The following GPC5 variants were observed in gnomAD, a reference collection of about 807,000 sequenced individuals.
GPC5 encodes the protein glypican-5.
Under a neutral mutation model 53.9 loss-of-function variants are expected in GPC5, and 47 were observed. The ratio of observed to expected loss-of-function variants is 0.87; its 90% CI spans 0.69 to 1.11. GPC5 has a LOEUF of 1.11. Ranked by LOEUF, GPC5 falls within the 50% of genes most tolerant of loss-of-function variation. GPC5 has a pLI of 0.00. For missense variants in GPC5, 748 were observed against 713.1 expected, an observed-to-expected ratio of 1.05 and a Z score of -0.56; for synonymous variants, 286 against 263.3, an observed-to-expected ratio of 1.09 and a Z score of -0.84.
At chr13:91,682,701 C>A (rs1034651930) in intron 2 of GPC5, among the ~76,000 whole-genome samples, 2 of 152,146 alleles carry the variant, frequency 1.3e-5, no homozygotes, top group African/African-American at 4.8e-5. Flanking sequence ...TTGTTCTGAG[C>A]AGTCTGTGAA....
intron 1 of GPC5, among the ~76,000 whole-genome samples, chr13:91,445,551 AG>A (rs1319419118): frequency 6.6e-6 from 1 of 152,162 alleles, no homozygotes; most frequent in Non-Finnish European, 1.5e-5. Context: ...CTCGGCTCAC[AG>A]CAACCTTCAT....
chr13:92,607,973 A>G (rs1884309945), intron 7 of GPC5, among the ~76,000 whole-genome samples: 1 of 152,228 alleles, frequency 6.6e-6, no homozygotes, highest in Admixed American at 6.5e-5. Context: ...CTTTATAACT[A>G]TCTACTTCCA....
chr13:92,423,774 T>C (rs2139365548), intron 7 of GPC5, among the ~76,000 whole-genome samples: 1 of 152,292 alleles, frequency 6.6e-6, no homozygotes, highest in Non-Finnish European at 1.5e-5. Flanking sequence ...ATTACATGTT[T>C]GATTGCATAG....
chr13:91,965,183 G>C (rs557099681), intron 6 of GPC5, among the ~76,000 whole-genome samples: 49 of 152,138 alleles, frequency 3.2e-4, no homozygotes, highest in African/African-American at 1.2e-3. Context: ...GTATACATGT[G>C]TAAAAAACGT....
chr13:92,548,590 T>C (rs1050034923), intron 7 of GPC5, among the ~76,000 whole-genome samples: 2 of 152,082 alleles, frequency 1.3e-5, no homozygotes, highest in Admixed American at 1.3e-4. Flanking sequence ...AGAAATAGTA[T>C]GAGTAAAATG....
At chr13:91,599,099 T>A (rs568564285) in intron 2 of GPC5, among the ~76,000 whole-genome samples, 5 of 152,238 alleles carry the variant, frequency 3.3e-5, no homozygotes, top group African/African-American at 9.6e-5. Context: ...GGATGAATTG[T>A]AGAGTGGCCT....
At chr13:92,208,838 G>A (rs538723278) in intron 7 of GPC5, among the ~76,000 whole-genome samples, 122 of 152,266 alleles carry the variant, frequency 8.0e-4, no homozygotes, top group Non-Finnish European at 1.4e-3. Flanking sequence ...TTATAGATCT[G>A]TTCTAATTGA....
chr13:92,628,227 G>A lies in GPC5; in HGVS notation c.1562-238055G>A, dbSNP rs577658060. 2.9e-5 allele frequency among the ~76,000 whole-genome samples: 4 copies of A among 137,866 alleles called. 1 individual carries two copies. Among genetic ancestry groups the A allele is most frequent in the East Asian group, 4.5e-4 (2 of 4,476 alleles). The allele number at this position is 137,866 out of a possible 152,430, so 90.4% of individuals were successfully genotyped here. ...CAGGTCTTTTTAAATCTATTCTTGA[G>A]AATCAATCCTATTTTCTTTTCTTTT... On this transcript the variant is annotated intron_variant, in intron 7 of 7. Coordinates refer to ENST00000377067, the MANE Select transcript of GPC5 (RefSeq NM_004466.6).
intron 7 of GPC5, among the ~76,000 whole-genome samples, chr13:92,715,192 T>G (rs1594447949): frequency 6.6e-6 from 1 of 152,208 alleles, no homozygotes; most frequent in African/African-American, 2.4e-5. Context: ...AACAGTTGAA[T>G]AGAGTGATCA....
chr13:92,430,193 C>T (rs1448288704), intron 7 of GPC5, among the ~76,000 whole-genome samples: 1 of 151,884 alleles, frequency 6.6e-6, no homozygotes, highest in African/African-American at 2.4e-5. Context: ...TGCTCATTTA[C>T]CTATCCTGTT....
At chr13:91,963,351 AT>A (rs2040144532) in intron 6 of GPC5, among the ~76,000 whole-genome samples, 1 of 152,098 alleles carries the variant, frequency 6.6e-6, no homozygotes, top group Non-Finnish European at 1.5e-5. Context: ...GTGTATACGT[AT>A]TTCCCCCAAA....
chr13:92,097,381 T>C (rs2041430335), intron 6 of GPC5, among the ~76,000 whole-genome samples: 1 of 152,210 alleles, frequency 6.6e-6, no homozygotes, highest in Non-Finnish European at 1.5e-5. Flanking sequence ...TTCTCATCTA[T>C]ATTGCAAAAG....
chr13:91,399,227 G>C lies in GPC5; in HGVS notation c.163+18G>C, dbSNP rs759326199. 1.2e-6 allele frequency: 2 copies of C among 1,608,758 alleles called. No individual in the cohort carries two copies. Among genetic ancestry groups the C allele is most frequent in the East Asian group, 2.2e-5 (1 of 44,724 alleles). ...GCGGGCAGGTAAGGGGCAATGAGGG[G>C]GTCTCTGGACTGGCGGCGTCCGAGC... On this transcript the variant is annotated intron_variant, in intron 1 of 7. Coordinates refer to ENST00000377067, the MANE Select transcript of GPC5 (RefSeq NM_004466.6).
intron 3 of GPC5, among the ~76,000 whole-genome samples, chr13:91,713,576 T>C (rs2036273905): frequency 6.6e-6 from 1 of 152,176 alleles, no homozygotes; most frequent in East Asian, 1.9e-4. Context: ...CTGGTAGAAA[T>C]TGATTTCTCA....
chr13:91,680,078 T>C (rs2139725243), intron 2 of GPC5, among the ~76,000 whole-genome samples: 1 of 152,336 alleles, frequency 6.6e-6, no homozygotes, highest in Non-Finnish European at 1.5e-5. Context: ...GTAGCAATTA[T>C]ATTTGAGCTT....
chr13:92,050,539 C>G (rs1208424000), intron 6 of GPC5, among the ~76,000 whole-genome samples: 1 of 152,138 alleles, frequency 6.6e-6, no homozygotes, highest in Non-Finnish European at 1.5e-5. Flanking sequence ...TGCCAAGTCC[C>G]TGAGTCCAGT....
At chr13:91,876,205 GAAAACAGACT>G (rs2039200250) in intron 5 of GPC5, among the ~76,000 whole-genome samples, 1 of 152,142 alleles carries the variant, frequency 6.6e-6, no homozygotes. Context: ...TCAGCAGCGT[GAAAACAGACT>G]AATACAGTAA....
intron 7 of GPC5, among the ~76,000 whole-genome samples, chr13:92,295,374 T>C (rs1461257995): frequency 6.6e-6 from 1 of 152,220 alleles, no homozygotes; most frequent in Non-Finnish European, 1.5e-5. Flanking sequence ...CACTGTAGTC[T>C]GTGAGAGTGC....
At chr13:92,629,658 G>T (rs114802349) in intron 7 of GPC5, among the ~76,000 whole-genome samples, 1 of 152,120 alleles carries the variant, frequency 6.6e-6, no homozygotes, top group Admixed American at 6.5e-5. Context: ...GTCATAAAGT[G>T]TGAGCACCTG....
Sources: allele counts gnomAD v4.1 joint callset (sites outside exome capture counted in the v4.1 genomes callset), GRCh38; gene constraint gnomAD v4.1.1; transcripts MANE v1.5; gene names NCBI Gene and HGNC (gene_info 2026-07-23, HGNC 2026-07-21).